The following LINGO2 variants were observed in gnomAD, a reference collection of about 807,000 sequenced individuals.
LINGO2 encodes the protein leucine-rich repeat and immunoglobulin-like domain-containing nogo receptor-interacting protein 2.
LINGO2 carries 14 observed loss-of-function variants against 30.6 expected under a neutral mutation model. The ratio of observed to expected loss-of-function variants is 0.46; its 90% CI spans 0.30 to 0.72. The LOEUF is 0.72. Ranked by LOEUF, LINGO2 falls within the 30% of genes least tolerant of loss-of-function variation. The probability of loss-of-function intolerance (pLI) is 0.07; values close to 1 mark genes in which losing one functional copy is unlikely to be tolerated. For missense variants in LINGO2, 729 were observed against 751.7 expected (o/e 0.97, Z 0.35); for synonymous variants, 317 against 288.5 (o/e 1.10, Z -1.00).
chr9:28,003,584 C>T (rs1822096112), intron 5 of LINGO2, among the ~76,000 whole-genome samples: 1 of 152,160 alleles, frequency 6.6e-6, no homozygotes, highest in Non-Finnish European at 1.5e-5. Context: ...GCCTCAGCCT[C>T]CTGAGTAGCT....
chr9:29,046,511 A>G, the LINGO2 span, among the ~76,000 whole-genome samples: 740 of 152,272 alleles, frequency 4.9e-3, 11 homozygotes, highest in African/African-American at 0.017. Flanking sequence ...TCCCTAATCA[A>G]TAATGGTGTT....
the LINGO2 span, among the ~76,000 whole-genome samples, chr9:29,138,209 T>C: frequency 6.6e-6 from 1 of 152,096 alleles, no homozygotes; most frequent in African/African-American, 2.4e-5. Context: ...AATGTGGTAA[T>C]AGGTTTAATG....
At chr9:28,774,672 C>T in the LINGO2 span, among the ~76,000 whole-genome samples, 1 of 152,038 alleles carries the variant, frequency 6.6e-6, no homozygotes, top group Non-Finnish European at 1.5e-5. Flanking sequence ...GACTGCACTT[C>T]TAAATCCACA....
At chr9:28,774,487 T>C in the LINGO2 span, among the ~76,000 whole-genome samples, 1 of 152,012 alleles carries the variant, frequency 6.6e-6, no homozygotes, top group East Asian at 1.9e-4. Flanking sequence ...CACACATATA[T>C]ATACACACAC....
chr9:28,542,706 T>C (rs1453933111), intron 1 of LINGO2, among the ~76,000 whole-genome samples: 2 of 152,106 alleles, frequency 1.3e-5, no homozygotes, highest in Non-Finnish European at 2.9e-5. Flanking sequence ...TTAAGAATTA[T>C]TTAAGGAACT....
chr9:28,180,274 A>G (rs1828875309), intron 4 of LINGO2, among the ~76,000 whole-genome samples: 1 of 152,094 alleles, frequency 6.6e-6, no homozygotes, highest in Non-Finnish European at 1.5e-5. Context: ...GGTATCTTCA[A>G]GCGATAAGGA....
chr9:29,094,180 A>G, the LINGO2 span, among the ~76,000 whole-genome samples: 46 of 138,856 alleles, frequency 3.3e-4, 5 homozygotes, highest in African/African-American at 9.1e-4. Context: ...AAAAGTCTAG[A>G]AAAGTAAGTA....
intron 2 of LINGO2, among the ~76,000 whole-genome samples, chr9:28,378,225 G>A (rs1297039874): frequency 6.6e-6 from 1 of 152,176 alleles, no homozygotes; most frequent in African/African-American, 2.4e-5. Flanking sequence ...TGTCCATGGT[G>A]AGGCAGAAAA....
At chr9:28,417,839 T>C (rs1447699687) in intron 2 of LINGO2, among the ~76,000 whole-genome samples, 2 of 152,194 alleles carry the variant, frequency 1.3e-5, no homozygotes, top group Non-Finnish European at 2.9e-5. Context: ...GTTGTATTCA[T>C]CTCCATATCC....
chr9:29,184,618 GT>G, the LINGO2 span, among the ~76,000 whole-genome samples: 1 of 152,030 alleles, frequency 6.6e-6, no homozygotes, highest in African/African-American at 2.4e-5. Context: ...ATGCATTTAT[GT>G]TTTGAATATT....
chr9:28,821,904 A>G, the LINGO2 span, among the ~76,000 whole-genome samples: 1 of 152,124 alleles, frequency 6.6e-6, no homozygotes, highest in South Asian at 2.1e-4. Context: ...AGACTGTTGG[A>G]GAGTGGGAGA....
chr9:28,056,036 A>G (rs1281697055), intron 4 of LINGO2, among the ~76,000 whole-genome samples: 2 of 152,182 alleles, frequency 1.3e-5, no homozygotes, highest in Non-Finnish European at 2.9e-5. Context: ...CTTAAGACAA[A>G]AGAAACTATT....
the LINGO2 span, among the ~76,000 whole-genome samples, chr9:29,128,944 A>G: frequency 2.7e-4 from 41 of 152,194 alleles, no homozygotes; most frequent in African/African-American, 9.4e-4. Context: ...TTATTAAACA[A>G]GCTGGCTATA....
chr9:28,585,735 A>C (rs1204789434), intron 1 of LINGO2, among the ~76,000 whole-genome samples: 3 of 152,056 alleles, frequency 2.0e-5, no homozygotes, highest in Non-Finnish European at 2.9e-5. Flanking sequence ...TAAGTTGAGA[A>C]GCATTGATAT....
chr9:28,604,525 A>G (rs184578317), intron 1 of LINGO2, among the ~76,000 whole-genome samples: 4 of 152,180 alleles, frequency 2.6e-5, no homozygotes, highest in Admixed American at 2.6e-4. Flanking sequence ...ATTATAAAAG[A>G]CACCACGGTT....
Position 28,473,666 on chromosome 9 carries a change from G to T in LINGO2, c.-279+2274C>A, listed in dbSNP as rs556472697. ...CATGTATGACTGCTTGATTTTCTGA[G>T]TGATACAAATCTTGGATCTTTGAGT... On this transcript the variant is annotated intron_variant, in intron 2 of 5. Coordinates refer to ENST00000379992, the Ensembl canonical transcript of LINGO2. Among the ~76,000 whole-genome samples, 50 of 152,186 alleles carry T rather than the reference G, an allele frequency of 3.3e-4. No homozygotes were observed. The South Asian group carries it at 5.0e-3, about 15-fold the overall frequency.
intron 5 of LINGO2, among the ~76,000 whole-genome samples, chr9:27,951,293 C>T (rs1187671528): frequency 2.0e-5 from 3 of 152,224 alleles, no homozygotes; most frequent in Non-Finnish European, 2.9e-5. Context: ...TTTTAATGTA[C>T]GCATCTTTCA....
chr9:29,082,411 T>C, the LINGO2 span, among the ~76,000 whole-genome samples: 30,016 of 151,902 alleles, frequency 0.2, 3,107 homozygotes, highest in African/African-American at 0.24. Flanking sequence ...CTTCCTTACA[T>C]CTTATACAAA....
intron 4 of LINGO2, among the ~76,000 whole-genome samples, chr9:28,179,470 CTA>C (rs1227146649): frequency 2.2e-5 from 3 of 133,496 alleles, no homozygotes; most frequent in African/African-American, 8.3e-5. Context: ...TGTATATATA[CTA>C]TATATAGTTT....
Sources: allele counts gnomAD v4.1 joint callset (sites outside exome capture counted in the v4.1 genomes callset), GRCh38; gene constraint gnomAD v4.1.1; transcripts MANE v1.5; gene names NCBI Gene and HGNC (gene_info 2026-07-23, HGNC 2026-07-21).